Variants in SPIN1 observed in about 807,000 individuals in gnomAD.
SPIN1 encodes spindlin 1.
In SPIN1, 3 loss-of-function variants were observed where a neutral mutation model predicts 26.0. The ratio of observed to expected loss-of-function variants is 0.12; its 90% CI spans 0.05 to 0.30. The LOEUF (loss-of-function observed/expected upper bound fraction) is 0.30. Ranked by LOEUF, SPIN1 falls within the 10% of genes least tolerant of loss-of-function variation. The pLI, the probability that SPIN1 is intolerant of heterozygous loss-of-function variation, is 1.00. For missense variants in SPIN1, 126 were observed against 333.4 expected, an observed-to-expected ratio of 0.38 and a Z score of 4.84; for synonymous variants, 101 against 116.5, an observed-to-expected ratio of 0.87 and a Z score of 0.86.
chr9:88,445,599 G>T lies in SPIN1; in HGVS notation c.53-3342G>T, dbSNP rs541015884. 2.7e-5 allele frequency among the ~76,000 whole-genome samples: 4 copies of T among 150,464 alleles called. No homozygotes were observed. In the East Asian group the frequency reaches 7.8e-4, roughly 29 times the overall value. ...GAGTCTTGCTCTGGGCTGGAGTGCA[G>T]TGGCGTGATCTTGGCTCACTGCAAC... On this transcript the variant is annotated intron_variant, in intron 2 of 5. Transcript: ENST00000375859.
At chr9:88,442,718 C>T (rs960387628) in intron 2 of SPIN1, among the ~76,000 whole-genome samples, 17 of 151,786 alleles carry the variant, frequency 1.1e-4, no homozygotes, top group African/African-American at 3.4e-4. Context: ...TGATTTTCTA[C>T]AGTTTGAATA....
intron 1 of SPIN1, among the ~76,000 whole-genome samples, chr9:88,426,147 CT>C (rs1827761735): frequency 1.3e-5 from 2 of 152,162 alleles, no homozygotes; most frequent in Non-Finnish European, 2.9e-5. Flanking sequence ...AAGAGCTTCA[CT>C]TTTGGGTCTT....
chr9:88,421,053 T>A (rs534909090), intron 1 of SPIN1, among the ~76,000 whole-genome samples: 6 of 152,344 alleles, frequency 3.9e-5, no homozygotes, highest in African/African-American at 1.2e-4. Flanking sequence ...CACATTATTG[T>A]AATTTTGTCT....
At chr9:88,452,159 ACTC>A (rs1828367621) in intron 3 of SPIN1, among the ~76,000 whole-genome samples, 1 of 151,864 alleles carries the variant, frequency 6.6e-6, no homozygotes, top group Non-Finnish European at 1.5e-5. Flanking sequence ...GTGTCGTTGT[ACTC>A]CTCCTTGTCC....
intron 2 of SPIN1, among the ~76,000 whole-genome samples, chr9:88,444,451 G>A (rs1828203059): frequency 1.3e-5 from 2 of 151,528 alleles, no homozygotes; most frequent in Admixed American, 6.6e-5. Context: ...TACCTTGTTA[G>A]CCAGGACAGT....
chr9:88,441,147 T>C (rs1828115641), intron 2 of SPIN1, among the ~76,000 whole-genome samples: 2 of 151,838 alleles, frequency 1.3e-5, no homozygotes, highest in Admixed American at 6.6e-5. Flanking sequence ...TTTTTCTAAA[T>C]GATGCATTAT....
rs988752648 is a variant in SPIN1, at chr9:88,475,025, C to T, written c.590-53C>T. ...GAGTTGATTTATATCTAAAAATTGA[C>T]TTAGAAATTTTCTCTCTCTCTCTTT... On this transcript the variant is annotated intron_variant, in intron 5 of 5. Transcript: ENST00000375859. The T allele has an allele frequency of 3.6e-6, 5 of 1,401,040 alleles. No individual in the cohort carries two copies. The African/African-American group carries it at 7.5e-5, about 21-fold the overall frequency. The allele number at this position is 1,401,040 out of a possible 1,614,324, so 86.8% of individuals were successfully genotyped here. A position where few individuals can be genotyped will look rare whatever the true frequency, so the allele number is the denominator to read the frequency against.
rs147405254 is a variant in SPIN1 at position 88,440,866 on chromosome 9, C to T, written c.53-8075C>T. On this transcript the variant is annotated intron_variant, in intron 2 of 5. Transcript: ENST00000375859. ...AGTGCTGGGATTACAGGCATGACAC[C>T]GCGCCTGGCCTCTTTCTTTCTTCCC... Among the ~76,000 whole-genome samples, 27 of 151,788 alleles carry T rather than the reference C, an allele frequency of 1.8e-4. No homozygotes were observed. The East Asian group carries it at 4.7e-3, about 26-fold the overall frequency.
At chr9:88,473,638 C>T (rs1029043627) in intron 5 of SPIN1, among the ~76,000 whole-genome samples, 1 of 132,210 alleles carries the variant, frequency 7.6e-6, no homozygotes, top group Non-Finnish European at 1.5e-5. Flanking sequence ...TTTAATTCTC[C>T]AAACTTGTGT....
At chr9:88,401,015 T>C (rs1414769452) in intron 1 of SPIN1, among the ~76,000 whole-genome samples, 1 of 152,048 alleles carries the variant, frequency 6.6e-6, no homozygotes, top group Non-Finnish European at 1.5e-5. Flanking sequence ...TCTAATAAAA[T>C]ATTAGTTCAT....
chr9:88,466,609 T>G (rs1828674019), intron 4 of SPIN1, among the ~76,000 whole-genome samples: 1 of 152,234 alleles, frequency 6.6e-6, no homozygotes, highest in Non-Finnish European at 1.5e-5. Flanking sequence ...CATACATGTT[T>G]AGGGTTTGCT....
chr9:88,473,399 G>GAA (rs111552287), intron 5 of SPIN1, among the ~76,000 whole-genome samples: 5 of 148,728 alleles, frequency 3.4e-5, no homozygotes, highest in African/African-American at 1.2e-4. Flanking sequence ...GTCTCAAAAA[G>GAA]AAAAAAAAAA....
chr9:88,473,096 T>C (rs1415990050), intron 5 of SPIN1, among the ~76,000 whole-genome samples: 2 of 152,182 alleles, frequency 1.3e-5, no homozygotes, highest in African/African-American at 2.4e-5. Flanking sequence ...TCAATACATA[T>C]TTTTAAAATT....
At chr9:88,464,340 T>G (rs1216959967) in intron 4 of SPIN1, among the ~76,000 whole-genome samples, 3 of 152,238 alleles carry the variant, frequency 2.0e-5, no homozygotes, top group Non-Finnish European at 4.4e-5. Flanking sequence ...GTCTAAAAAA[T>G]TACTTGCTCT....
At chr9:88,425,614 A>G (rs1036833289) in intron 1 of SPIN1, among the ~76,000 whole-genome samples, 4 of 151,584 alleles carry the variant, frequency 2.6e-5, no homozygotes, top group African/African-American at 9.7e-5. Context: ...GGCAGAGGTT[A>G]CAGTGAGCCA....
intron 1 of SPIN1, among the ~76,000 whole-genome samples, chr9:88,425,478 G>A (rs761989922): frequency 1.3e-5 from 2 of 152,032 alleles, no homozygotes; most frequent in Non-Finnish European, 2.9e-5. Context: ...AGGAGATTGA[G>A]ACCATCCTGA....
chr9:88,452,456 C>G (rs1828372505), intron 3 of SPIN1, among the ~76,000 whole-genome samples: 2 of 152,198 alleles, frequency 1.3e-5, no homozygotes, highest in African/African-American at 4.8e-5. Context: ...GTGCGGGCAT[C>G]TATGTGCACC....
chr9:88,467,856 AAC>A (rs1183328620), intron 4 of SPIN1, among the ~76,000 whole-genome samples: 222 of 124,522 alleles, frequency 1.8e-3, no homozygotes, highest in South Asian at 4.1e-3. Context: ...AAAAAAAAAA[AAC>A]AAAAAAAAAA....
chr9:88,405,556 T>TTTTTC lies in SPIN1; in HGVS notation c.-159+17018_-159+17019insTTTTC, dbSNP rs756156368. On this transcript the variant is annotated intron_variant, in intron 1 of 5. Coordinates refer to ENST00000375859, the MANE Select transcript of SPIN1 (RefSeq NM_006717.3). ...CTATCCTTTTTTTTTTTTTTTTTTT[T>TTTTTC]CCCTGAGACAGAGTTTCGCTCTCGT... is the stretch of plus-strand genomic sequence containing the variant. 1.0e-3 allele frequency among the ~76,000 whole-genome samples: 151 copies of TTTTTC among 144,570 alleles called. 2 individuals are homozygous for TTTTTC. The highest frequency in any genetic ancestry group is 1.7e-3 in the Non-Finnish European group (114 of 66,096). 94.8% of individuals were successfully genotyped at this position (144,570 alleles called of 152,430 possible).
Sources: gnomAD v4.1 joint callset for allele counts (sites outside exome capture counted in the v4.1 genomes callset) on GRCh38, gnomAD v4.1.1 for gene constraint, MANE v1.5 for transcripts, NCBI Gene and HGNC (gene_info 2026-07-23, HGNC 2026-07-21) for gene names.